The following ZNF892 variants were observed in gnomAD, a reference collection of about 807,000 sequenced individuals.
ZNF892 encodes zinc finger protein 892.
At chr2:95,242,817 CTCTCCCTCTCCCTCTCCCCACGG>C in the ZNF892 span, among the ~76,000 whole-genome samples, 2 of 151,890 alleles carry the variant, frequency 1.3e-5, no homozygotes, top group African/African-American at 4.8e-5. Context: ...CCTGGAGTCC[CTCTCCCTCTCCCTCTCCCCACGG>C]TCTCCCTCTC....
At chr2:95,241,767 C>T in the ZNF892 span, among the ~76,000 whole-genome samples, 1 of 152,058 alleles carries the variant, frequency 6.6e-6, no homozygotes, top group Non-Finnish European at 1.5e-5. Context: ...GATACAGGAG[C>T]TGACAGCCAA....
At chr2:95,249,490 G>A in the ZNF892 span, among the ~76,000 whole-genome samples, 314 of 150,130 alleles carry the variant, frequency 2.1e-3, 2 homozygotes, top group African/African-American at 7.1e-3. Context: ...CTTGTGATCC[G>A]CCCGCCTTAG....
At chr2:95,239,786 C>A in the ZNF892 span, among the ~76,000 whole-genome samples, 1 of 152,116 alleles carries the variant, frequency 6.6e-6, no homozygotes, top group Non-Finnish European at 1.5e-5. Context: ...TGCCACCACA[C>A]CCAGCTACTT....
At chr2:95,215,674 A>C in the ZNF892 span, 1 of 397,888 alleles carries the variant, frequency 2.5e-6, no homozygotes, top group Non-Finnish European at 4.4e-6. Context: ...GGGGGTCTAC[A>C]AAGAAATTTA....
the ZNF892 span, among the ~76,000 whole-genome samples, chr2:95,231,894 G>A: frequency 6.6e-6 from 1 of 152,206 alleles, no homozygotes; most frequent in African/African-American, 2.4e-5. Context: ...TGGAGCAGCT[G>A]GAGAGCGGGT....
At chr2:95,213,015 C>G in the ZNF892 span, among the ~76,000 whole-genome samples, 19 of 152,198 alleles carry the variant, frequency 1.2e-4, no homozygotes, top group Non-Finnish European at 1.9e-4. Context: ...AGACTGTTGG[C>G]TAATTATACT....
chr2:95,213,581 T>A, the ZNF892 span, among the ~76,000 whole-genome samples: 4 of 152,168 alleles, frequency 2.6e-5, no homozygotes, highest in Non-Finnish European at 5.9e-5. Context: ...GTTTTTCTCT[T>A]TCTTTCCTTT....
At chr2:95,217,676 A>G in the ZNF892 span, among the ~76,000 whole-genome samples, 1 of 152,250 alleles carries the variant, frequency 6.6e-6, no homozygotes, top group Admixed American at 6.5e-5. Flanking sequence ...TCTAAAACTT[A>G]GCAAGGCAAA....
chr2:95,247,107 A>G, the ZNF892 span, among the ~76,000 whole-genome samples: 1 of 152,224 alleles, frequency 6.6e-6, no homozygotes, highest in Non-Finnish European at 1.5e-5. Flanking sequence ...ACTTCAAACT[A>G]TACTACTAGG....
At chr2:95,257,737 C>G in the ZNF892 span, among the ~76,000 whole-genome samples, 1 of 152,334 alleles carries the variant, frequency 6.6e-6, no homozygotes, top group Admixed American at 6.5e-5. Flanking sequence ...TTCCCTGCTG[C>G]TTTGTTTACC....
the ZNF892 span, among the ~76,000 whole-genome samples, chr2:95,208,263 G>A: frequency 1.3e-5 from 2 of 152,104 alleles, no homozygotes; most frequent in African/African-American, 4.8e-5. Flanking sequence ...AGGCGGTGTT[G>A]TATTAATATC....
At chr2:95,208,041 G>GA in the ZNF892 span, among the ~76,000 whole-genome samples, 1 of 152,206 alleles carries the variant, frequency 6.6e-6, no homozygotes, top group Non-Finnish European at 1.5e-5. Flanking sequence ...TTGCTCAAGG[G>GA]AAAATATCAA....
the ZNF892 span, among the ~76,000 whole-genome samples, chr2:95,232,761 C>T: frequency 5.3e-5 from 1 of 18,956 alleles, no homozygotes; most frequent in Non-Finnish European, 9.4e-5. Context: ...CATGTTTGTA[C>T]CCTGGTCTTT....
At chr2:95,228,766 T>G in the ZNF892 span, among the ~76,000 whole-genome samples, 721 of 152,230 alleles carry the variant, frequency 4.7e-3, 5 homozygotes, top group Middle Eastern at 0.024. Context: ...CACCTGGTGG[T>G]TTTCTTTTTT....
the ZNF892 span, among the ~76,000 whole-genome samples, chr2:95,210,044 A>G: frequency 1.3e-5 from 2 of 151,974 alleles, no homozygotes; most frequent in African/African-American, 4.8e-5. Context: ...AAAGCTGAAT[A>G]TAAACAAAAT....
chr2:95,245,198 G>A, the ZNF892 span, among the ~76,000 whole-genome samples: 1 of 148,906 alleles, frequency 6.7e-6, no homozygotes, highest in Non-Finnish European at 1.5e-5. Flanking sequence ...AACCGAAGGA[G>A]AAAGAGACAT....
chr2:95,226,769 CCCA>C, the ZNF892 span, among the ~76,000 whole-genome samples: 1 of 152,074 alleles, frequency 6.6e-6, no homozygotes, highest in Admixed American at 6.6e-5. Flanking sequence ...GTTGCTTAGG[CCCA>C]CGTGTCCCTG....
At chr2:95,245,571 G>A in the ZNF892 span, among the ~76,000 whole-genome samples, 2 of 129,124 alleles carry the variant, frequency 1.5e-5, no homozygotes, top group African/African-American at 6.1e-5. Flanking sequence ...GCCCAGCCTG[G>A]AGCTGGTTTT....
the ZNF892 span, among the ~76,000 whole-genome samples, chr2:95,221,911 T>A: frequency 6.6e-6 from 1 of 152,188 alleles, no homozygotes; most frequent in Admixed American, 6.5e-5. Flanking sequence ...TAATAGTTCC[T>A]TCTTCTCCTC....
Sources: gnomAD v4.1 joint callset for allele counts (sites outside exome capture counted in the v4.1 genomes callset) on GRCh38, gnomAD v4.1.1 for gene constraint, MANE v1.5 for transcripts, NCBI Gene and HGNC (gene_info 2026-07-23, HGNC 2026-07-21) for gene names.